The following EPHB1 variants were observed in gnomAD, a reference collection of about 807,000 sequenced individuals.
The protein encoded by EPHB1 is ephrin type-B receptor 1.
Under a neutral mutation model 94.4 loss-of-function variants are expected in EPHB1, and 30 were observed. The observed-to-expected ratio is 0.32, with a 90% CI of 0.24 to 0.43. EPHB1 has a LOEUF of 0.43. EPHB1 is among the 20% of genes least tolerant of loss of function. The pLI is 1.00. For synonymous variants in EPHB1, 522 were observed against 489.1 expected, an observed-to-expected ratio of 1.07 and a Z score of -0.89; for missense variants, 1,055 against 1,308.3, an observed-to-expected ratio of 0.81 and a Z score of 2.99.
intron 3 of EPHB1, among the ~76,000 whole-genome samples, chr3:135,099,865 G>A (rs1938967981): frequency 6.6e-6 from 1 of 152,178 alleles, no homozygotes; most frequent in African/African-American, 2.4e-5. Context: ...AAAGGAAGGG[G>A]AGGTTGTAGG....
intron 1 of EPHB1, among the ~76,000 whole-genome samples, chr3:134,903,778 G>A (rs552466058): frequency 4.3e-4 from 66 of 152,200 alleles, no homozygotes; most frequent in Non-Finnish European, 8.1e-4. Flanking sequence ...GGAAAGATTT[G>A]TGAAGTTATT....
intron 4 of EPHB1, among the ~76,000 whole-genome samples, chr3:135,132,089 G>T (rs1336951888): frequency 6.6e-6 from 1 of 152,066 alleles, no homozygotes; most frequent in African/African-American, 2.4e-5. Context: ...ACGTCATGGG[G>T]CCCAAAGTGA....
At chr3:135,026,841 C>A (rs1225782793) in intron 3 of EPHB1, among the ~76,000 whole-genome samples, 1 of 145,374 alleles carries the variant, frequency 6.9e-6, no homozygotes, top group Non-Finnish European at 1.5e-5. Context: ...TCTTCCTACC[C>A]ATGAGCATGG....
intron 2 of EPHB1, among the ~76,000 whole-genome samples, chr3:134,934,309 G>A (rs1415217626): frequency 6.6e-6 from 1 of 152,222 alleles, no homozygotes; most frequent in East Asian, 1.9e-4. Context: ...GCCTGACAGA[G>A]ACAGTGATAG....
intron 5 of EPHB1, among the ~76,000 whole-genome samples, chr3:135,143,184 G>A (rs566131434): frequency 6.6e-6 from 1 of 152,084 alleles, no homozygotes; most frequent in Admixed American, 6.5e-5. Flanking sequence ...GGTGGGCTCA[G>A]TAGTCAGTGG....
rs114593471 is a variant in EPHB1, at chr3:134,806,896, G to T, written c.58+11207G>T. Among the ~76,000 whole-genome samples the T allele has an allele frequency of 8.2e-3, 1,256 of 152,324 alleles. 13 individuals are homozygous for T. Among genetic ancestry groups the T allele is most frequent in the Non-Finnish European group, 0.013 (897 of 68,032 alleles). The stretch of plus-strand genomic sequence containing the variant: ...TATAAAGGGAGTAAACAAGTGATGT[G>T]ACTGAGAGTGATGGGCGCAGGCTTG... On this transcript the variant is annotated intron_variant, in intron 1 of 15. Transcript: ENST00000398015.
chr3:134,959,273 G>A (rs937084274), intron 3 of EPHB1, among the ~76,000 whole-genome samples: 1 of 152,100 alleles, frequency 6.6e-6, no homozygotes, highest in Non-Finnish European at 1.5e-5. Flanking sequence ...TGGAGATGCT[G>A]AGAGACTGCC....
At chr3:135,090,396 C>A (rs1938513069) in intron 3 of EPHB1, among the ~76,000 whole-genome samples, 1 of 152,234 alleles carries the variant, frequency 6.6e-6, no homozygotes, top group Non-Finnish European at 1.5e-5. Context: ...TTGGATAAAT[C>A]TCATGCATAT....
chr3:135,181,597 T>C (rs939912366), intron 10 of EPHB1, among the ~76,000 whole-genome samples: 3 of 152,214 alleles, frequency 2.0e-5, no homozygotes, highest in Admixed American at 2.0e-4. Flanking sequence ...CTAGTGACTT[T>C]AATGTTGTTA....
chr3:135,133,679 G>T (rs1218278454), intron 5 of EPHB1, among the ~76,000 whole-genome samples: 2 of 151,132 alleles, frequency 1.3e-5, no homozygotes, highest in Non-Finnish European at 3.0e-5. Flanking sequence ...TCAGATAGAT[G>T]GCAATAGATC....
At chr3:135,133,348 G>T (rs1184136774) in intron 5 of EPHB1, among the ~76,000 whole-genome samples, 1 of 152,246 alleles carries the variant, frequency 6.6e-6, no homozygotes, top group Non-Finnish European at 1.5e-5. Context: ...AACAAATCCT[G>T]TTGGAAAGAT....
At chr3:134,987,473 T>C (rs535740378) in intron 3 of EPHB1, among the ~76,000 whole-genome samples, 1 of 152,112 alleles carries the variant, frequency 6.6e-6, no homozygotes, top group Non-Finnish European at 1.5e-5. Flanking sequence ...GAAAAGACCA[T>C]GTGAGGCCAG....
intron 3 of EPHB1, among the ~76,000 whole-genome samples, chr3:134,997,230 A>T (rs1935024594): frequency 6.6e-6 from 1 of 152,082 alleles, no homozygotes; most frequent in Non-Finnish European, 1.5e-5. Context: ...ATGTTTCATC[A>T]CTTCTCAGGT....
chr3:134,820,621 T>C (rs2036362253), intron 1 of EPHB1, among the ~76,000 whole-genome samples: 1 of 152,214 alleles, frequency 6.6e-6, no homozygotes, highest in African/African-American at 2.4e-5. Flanking sequence ...CAAGCAATTC[T>C]TTCACAGCAA....
intron 3 of EPHB1, among the ~76,000 whole-genome samples, chr3:135,101,739 A>G (rs1375885529): frequency 2.6e-5 from 4 of 152,194 alleles, no homozygotes; most frequent in African/African-American, 9.6e-5. Flanking sequence ...AGTATAGCAT[A>G]AGTGTGGTTA....
intron 3 of EPHB1, among the ~76,000 whole-genome samples, chr3:134,970,107 G>A (rs1351191046): frequency 1.3e-5 from 2 of 152,166 alleles, no homozygotes; most frequent in Non-Finnish European, 2.9e-5. Flanking sequence ...ACATTTTAAA[G>A]TTTGATGAAG....
At chr3:135,125,090 C>T (rs1304443869) in intron 4 of EPHB1, among the ~76,000 whole-genome samples, 2 of 151,656 alleles carry the variant, frequency 1.3e-5, no homozygotes, top group Non-Finnish European at 2.9e-5. Context: ...TCTGAAGATC[C>T]TGAGCCCTTC....
chr3:135,140,828 C>T (rs1390753260), intron 5 of EPHB1, among the ~76,000 whole-genome samples: 1 of 152,228 alleles, frequency 6.6e-6, no homozygotes, highest in Non-Finnish European at 1.5e-5. Context: ...TTCACAGTAC[C>T]ATCCATGTTA....
chr3:134,861,990 AAC>A (rs1165010590), intron 1 of EPHB1, among the ~76,000 whole-genome samples: 1 of 152,174 alleles, frequency 6.6e-6, no homozygotes, highest in Non-Finnish European at 1.5e-5. Context: ...GGAGCCCTGA[AAC>A]ACATGAACTT....
Sources: gnomAD v4.1 joint callset for allele counts (sites outside exome capture counted in the v4.1 genomes callset) on GRCh38, gnomAD v4.1.1 for gene constraint, MANE v1.5 for transcripts, NCBI Gene and HGNC (gene_info 2026-07-23, HGNC 2026-07-21) for gene names.